Variants in RALGPS2 observed in about 807,000 individuals in gnomAD.
RALGPS2 encodes Ral GEF with PH domain and SH3 binding motif 2, also known as ras-specific guanine nucleotide-releasing factor RalGPS2.
A neutral mutation model predicts 86.8 loss-of-function variants in RALGPS2; 43 were observed. The ratio of observed to expected loss-of-function variants is 0.50; its 90% CI spans 0.39 to 0.64. RALGPS2 has a LOEUF of 0.64. Among genes scored for constraint, RALGPS2 ranks in the 30% least tolerant of loss-of-function variants. The probability of loss-of-function intolerance (pLI) is 0.00; values close to 1 mark genes in which losing one functional copy is unlikely to be tolerated. For synonymous variants in RALGPS2, 243 were observed against 231.3 expected (o/e 1.05, Z -0.46); for missense variants, 536 against 694.6 (o/e 0.77, Z 2.57).
intron 8 of RALGPS2, chr1:178,851,141 C>G: frequency 2.5e-6 from 4 of 1,613,008 alleles, no homozygotes; most frequent in Non-Finnish European, 3.4e-6. Flanking sequence ...AGTCAATAGG[C>G]TTGATCATCA....
chr1:178,773,708 A>G (rs1652922159), intron 1 of RALGPS2, among the ~76,000 whole-genome samples: 1 of 151,726 alleles, frequency 6.6e-6, no homozygotes, highest in Admixed American at 6.6e-5. Context: ...AGGCAGGAGA[A>G]TGGTGTGAAC....
At chr1:178,878,641 G>A (rs1659099046) in intron 9 of RALGPS2, among the ~76,000 whole-genome samples, 1 of 151,964 alleles carries the variant, frequency 6.6e-6, no homozygotes, top group Admixed American at 6.6e-5. Flanking sequence ...ATCTTTTTCT[G>A]TGAAATTTCT....
At position 178,865,885 on chromosome 1, in the gene RALGPS2, A is replaced by G; in HGVS notation, c.608-11613A>G. 7 of 800,872 alleles carry G rather than the reference A, an allele frequency of 8.7e-6. No homozygotes were observed. In the South Asian group the frequency reaches 1.4e-4, roughly 16 times the overall value. 49.6% of individuals were successfully genotyped at this position (800,872 alleles called of 1,614,324 possible). A position where few individuals can be genotyped will look rare whatever the true frequency, so the allele number is the denominator to read the frequency against. On this transcript the variant is annotated intron_variant, in intron 8 of 19. Coordinates refer to ENST00000367635, the MANE Select transcript of RALGPS2 (RefSeq NM_152663.5). ...GTTAAAGTCAGTAATCTTAAAAACT[A>G]TCTGAGGGAAAAACTGAATATTTAT...
intron 8 of RALGPS2, among the ~76,000 whole-genome samples, chr1:178,872,364 C>A (rs150281884): frequency 1.3e-4 from 20 of 152,278 alleles, no homozygotes; most frequent in African/African-American, 4.8e-4. Flanking sequence ...AAGAATGGAG[C>A]AGGTAATATA....
intron 7 of RALGPS2, among the ~76,000 whole-genome samples, chr1:178,830,856 T>C (rs1217896135): frequency 6.6e-6 from 1 of 152,092 alleles, no homozygotes; most frequent in African/African-American, 2.4e-5. Context: ...CCAACTAGAA[T>C]GTGTCCAACA....
At chr1:178,853,286 T>C (rs1281517529) in intron 8 of RALGPS2, 1 of 890,934 alleles carries the variant, frequency 1.1e-6, no homozygotes, top group African/African-American at 1.8e-5. Context: ...GGGTTCCTGG[T>C]CTCTCTCATA....
chr1:178,851,234 T>A (rs1211260846), intron 8 of RALGPS2: 2 of 1,614,034 alleles, frequency 1.2e-6, no homozygotes, highest in African/African-American at 2.7e-5. Flanking sequence ...TGTAATGGCC[T>A]CCTCTGTACC....
intron 8 of RALGPS2, among the ~76,000 whole-genome samples, chr1:178,872,369 A>G (rs747887510): frequency 3.9e-5 from 6 of 152,220 alleles, no homozygotes; most frequent in Non-Finnish European, 8.8e-5. Flanking sequence ...TGGAGCAGGT[A>G]ATATAAATCA....
intron 8 of RALGPS2, among the ~76,000 whole-genome samples, chr1:178,835,405 T>C (rs1656227164): frequency 6.7e-6 from 1 of 149,746 alleles, no homozygotes. Flanking sequence ...TTTTTTTTTT[T>C]TTTTTGCGAC....
intron 1 of RALGPS2, among the ~76,000 whole-genome samples, chr1:178,759,722 T>C (rs539204617): frequency 1.2e-4 from 18 of 152,218 alleles, no homozygotes; most frequent in South Asian, 6.2e-4. Flanking sequence ...TCCGTTAATA[T>C]GCAATATCCA....
chr1:178,784,663 G>A (rs950362159), intron 3 of RALGPS2, 141 bp downstream of exon 3: 1 of 576,248 alleles, frequency 1.7e-6, no homozygotes, highest in East Asian at 3.0e-5. Context: ...TAGTACAGCT[G>A]TGGAGCAAAC....
At chr1:178,867,183 T>A (rs1254795152) in intron 8 of RALGPS2, among the ~76,000 whole-genome samples, 1 of 152,142 alleles carries the variant, frequency 6.6e-6, no homozygotes, top group Non-Finnish European at 1.5e-5. Context: ...TTAATATTTA[T>A]TGAGTGCTTG....
intron 6 of RALGPS2, among the ~76,000 whole-genome samples, chr1:178,812,608 G>A (rs148814549): frequency 2.6e-5 from 4 of 152,244 alleles, no homozygotes; most frequent in African/African-American, 9.6e-5. Context: ...GTATATTTTA[G>A]GGTAATATAT....
intron 13 of RALGPS2, 28 bp downstream of exon 13, chr1:178,886,148 C>T (rs1301409025): frequency 6.3e-7 from 1 of 1,588,242 alleles, no homozygotes; most frequent in Admixed American, 1.8e-5. Context: ...GAGAGGGTTG[C>T]AATTTAACTT....
chr1:178,910,800 C>CT (rs1280765978), intron 19 of RALGPS2, among the ~76,000 whole-genome samples: 1 of 152,068 alleles, frequency 6.6e-6, no homozygotes, highest in Non-Finnish European at 1.5e-5. Flanking sequence ...GGAGTCTTTT[C>CT]TTTCTCGATT....
chr1:178,904,356 T>G (rs1256526408), intron 18 of RALGPS2, among the ~76,000 whole-genome samples: 1 of 152,232 alleles, frequency 6.6e-6, no homozygotes. Context: ...TTTAGTTTAA[T>G]TAGGTCCCAA....
Position 178,811,973 on chromosome 1 carries a change from T to C in RALGPS2, c.387+569T>C, listed in dbSNP as rs1355025029. On this transcript the variant is annotated intron_variant, in intron 6 of 19. Coordinates refer to ENST00000367635, the MANE Select transcript of RALGPS2 (RefSeq NM_152663.5). ...AGGATACCAAGATTTTATTAAAACT[T>C]GTAACAACTCTGAATTTGGTTGGAG... Among the ~76,000 whole-genome samples the C allele has an allele frequency of 3.9e-5, 6 of 152,156 alleles. No individual in the cohort carries two copies. In the East Asian group the frequency reaches 1.2e-3, roughly 29 times the overall value.
chr1:178,817,700 C>T lies in RALGPS2; in HGVS notation c.388-3912C>T, dbSNP rs193180056. On this transcript the variant is annotated intron_variant, in intron 6 of 19. Transcript: ENST00000367635. ...TTGAGGTTTTATTGAATTTATAGAT[C>T]ACTTTGGGAAGAATTGATAACAACA... Among the ~76,000 whole-genome samples the T allele has an allele frequency of 1.9e-3, 290 of 152,264 alleles. 1 individual carries two copies. Among genetic ancestry groups the T allele is most frequent in the African/African-American group, 6.9e-3 (287 of 41,556 alleles).
At chr1:178,746,822 TC>T in intron 1 of RALGPS2, 1 of 1,142,154 alleles carries the variant, frequency 8.8e-7, no homozygotes, top group Non-Finnish European at 1.3e-6. Flanking sequence ...ATTGTTCTCC[TC>T]CATTGTATCT....
Sources: allele counts gnomAD v4.1 joint callset (sites outside exome capture counted in the v4.1 genomes callset), GRCh38; gene constraint gnomAD v4.1.1; transcripts MANE v1.5; gene names NCBI Gene and HGNC (gene_info 2026-07-23, HGNC 2026-07-21).